Variants in ITGA4 observed in about 807,000 individuals in gnomAD.
ITGA4 encodes integrin subunit alpha 4, also known as integrin alpha-4.
In ITGA4, 63 loss-of-function variants were observed where a neutral mutation model predicts 133.6. The observed-to-expected ratio is 0.47, with a 90% CI of 0.38 to 0.58. ITGA4 has a LOEUF of 0.58. ITGA4 is among the 20% of genes least tolerant of loss of function. The pLI, the probability that ITGA4 is intolerant of heterozygous loss-of-function variation, is 0.00. For missense variants in ITGA4, 1,076 were observed against 1,252.7 expected (o/e 0.86, Z 2.13); for synonymous variants, 483 against 438.0 (o/e 1.10, Z -1.28).
intron 2 of ITGA4, among the ~76,000 whole-genome samples, chr2:181,461,195 C>A (rs778786368): frequency 3.4e-5 from 5 of 146,850 alleles, no homozygotes; most frequent in African/African-American, 5.1e-5. Flanking sequence ...GTGAGCCTGC[C>A]TGTTTATCTA....
chr2:181,468,210 T>C (rs746849918), intron 2 of ITGA4, among the ~76,000 whole-genome samples: 2 of 152,122 alleles, frequency 1.3e-5, no homozygotes. Context: ...AAATCATCCT[T>C]TGTAAAGATC....
At chr2:181,491,736 C>T (rs1393201711) in intron 10 of ITGA4, among the ~76,000 whole-genome samples, 1 of 152,064 alleles carries the variant, frequency 6.6e-6, no homozygotes, top group Non-Finnish European at 1.5e-5. Flanking sequence ...TTCCCCACTC[C>T]TTCTTCTCAC....
At chr2:181,496,876 C>T (rs145233690) in intron 14 of ITGA4, among the ~76,000 whole-genome samples, 2 of 152,198 alleles carry the variant, frequency 1.3e-5, no homozygotes, top group East Asian at 1.9e-4. Flanking sequence ...ATCTAAACAT[C>T]GTGAAGGGCC....
intron 17 of ITGA4, among the ~76,000 whole-genome samples, chr2:181,512,002 TG>T (rs892199353): frequency 1.3e-5 from 2 of 152,080 alleles, no homozygotes; most frequent in African/African-American, 2.4e-5. Flanking sequence ...TAAACTATCT[TG>T]CTCTTCTAAA....
chr2:181,535,414 A>G lies in ITGA4; in HGVS notation c.3004-18A>G. 1.7e-5 allele frequency: 26 copies of G among 1,572,422 alleles called. No homozygotes were observed. The highest frequency in any genetic ancestry group is 2.2e-5 in the Non-Finnish European group (25 of 1,150,770). On this transcript the variant is annotated intron_variant, in intron 27 of 27. Coordinates refer to ENST00000397033, the MANE Select transcript of ITGA4 (RefSeq NM_000885.6). ...TGTTCATAACTATACACTAGTGATT[A>G]TGTTATGCTATTTTCAGGCTGGCTT...
Position 181,538,294 on chromosome 2 carries a change from T to C in ITGA4, c.*2767T>C, listed in dbSNP as rs554779592. ...TCAACTTATTTTGTTGTTTTTCACA[T>C]ACACCTAATAAGTATGGTACACAAT... On this transcript the variant is annotated 3_prime_UTR_variant, in exon 28 of 28. Transcript: ENST00000397033. The C allele has an allele frequency of 2.6e-5, 28 of 1,069,698 alleles. 1 individual carries two copies. Among genetic ancestry groups the C allele is most frequent in the African/African-American group, 1.6e-4 (10 of 64,288 alleles). The allele number at this position is 1,069,698 out of a possible 1,614,324, so 66.3% of individuals were successfully genotyped here.
chr2:181,474,731 C>G (rs1412025514), intron 2 of ITGA4, among the ~76,000 whole-genome samples: 1 of 152,194 alleles, frequency 6.6e-6, no homozygotes, highest in Non-Finnish European at 1.5e-5. Context: ...ATGATTGAGT[C>G]TATCTTTTTA....
intron 14 of ITGA4, 74 bp from the exon 15 acceptor site, chr2:181,498,549 C>A: frequency 1.1e-6 from 1 of 903,608 alleles, no homozygotes; most frequent in Non-Finnish European, 1.7e-6. Flanking sequence ...ATAACTTTAA[C>A]TATTATCACT....
chr2:181,534,848 C>A lies in ITGA4; in HGVS notation c.2916C>A (p.Pro972=). 6.2e-7 allele frequency: 1 copy of A among 1,600,374 alleles called. No homozygotes were observed. The highest frequency in any genetic ancestry group is 1.8e-5 in the Admixed American group (1 of 56,850). The part of the protein sequence containing the change: ...VLLEGLHHQR[P]KRYFTIVIIS... ...TGGAAGGACTACATCATCAAAGACC[C>A]AAACGTTATTTCACCATAGTGATTA... The change falls in exon 27 of 28, where the codon CCC becomes CCA. Residue 972 remains proline (P), a synonymous_variant. Transcript: ENST00000397033.
Position 181,536,813 on chromosome 2 carries a change from G to A in ITGA4, c.*1286G>A, listed in dbSNP as rs984330083. The A allele has an allele frequency of 5.1e-5, 16 of 314,298 alleles. No homozygotes were observed. Among genetic ancestry groups the A allele is most frequent in the Non-Finnish European group, 8.2e-5 (13 of 157,766 alleles). 19.5% of individuals were successfully genotyped at this position (314,298 alleles called of 1,614,324 possible). Reference sequence around the variant, plus strand: ...TTTTATGCTTATGATCTAGATAATTGCAGAATATCATTTTATCTGACTCTG... The same window carrying A: ...TTTTATGCTTATGATCTAGATAATTACAGAATATCATTTTATCTGACTCTG... On this transcript the variant is annotated 3_prime_UTR_variant, in exon 28 of 28. Transcript: ENST00000397033.
chr2:181,489,021 G>A (rs1469446589), intron 10 of ITGA4, among the ~76,000 whole-genome samples: 1 of 152,148 alleles, frequency 6.6e-6, no homozygotes, highest in African/African-American at 2.4e-5. Flanking sequence ...GAGGCAGCAG[G>A]AATTTACAAG....
chr2:181,506,460 T>C (rs1231404264), intron 15 of ITGA4, among the ~76,000 whole-genome samples: 1 of 152,112 alleles, frequency 6.6e-6, no homozygotes, highest in African/African-American at 2.4e-5. Context: ...TCCAATGTTA[T>C]GTAGATAATA....
chr2:181,499,421 T>G (rs1025627534), intron 15 of ITGA4, among the ~76,000 whole-genome samples: 6 of 152,108 alleles, frequency 3.9e-5, no homozygotes, highest in African/African-American at 1.4e-4. Context: ...TTGGTCAAAT[T>G]TTATCATATG....
At chr2:181,515,216 T>C (rs923515980) in intron 17 of ITGA4, among the ~76,000 whole-genome samples, 2 of 152,062 alleles carry the variant, frequency 1.3e-5, no homozygotes, top group African/African-American at 4.8e-5. Flanking sequence ...AAATCCCATA[T>C]CTACTGTATT....
Position 181,480,191 on chromosome 2 carries a change from G to T in ITGA4, c.679G>T (p.Val227Phe). ...ATCTTACTGGACTGGCTCTCTTTTT[G>T]TCTACAATATAACTACAAATAAATA... is the stretch of plus-strand genomic sequence containing the variant. ...GSSYWTGSLF[V>F]YNITTNKYKA... Residue 227 changes from valine (V) to phenylalanine (F), a missense_variant, in exon 6 of 28, where the codon GTC becomes TTC. Transcript: ENST00000397033. 1.9e-6 allele frequency: 3 copies of T among 1,551,148 alleles called. No individual in the cohort carries two copies. Among genetic ancestry groups the T allele is most frequent in the Non-Finnish European group, 2.6e-6 (3 of 1,148,504 alleles).
chr2:181,485,211 C>T (rs2105736081), intron 9 of ITGA4, among the ~76,000 whole-genome samples: 1 of 152,268 alleles, frequency 6.6e-6, no homozygotes, highest in South Asian at 2.1e-4. Context: ...TTTTCCTCGA[C>T]AATCAAGACG....
chr2:181,534,830 A>G lies in ITGA4; in HGVS notation c.2898A>G (p.Gly966=), dbSNP rs774520116. The change falls in exon 27 of 28, where the codon GGA becomes GGG. Residue 966 remains glycine, a synonymous_variant. Coordinates refer to ENST00000397033, the MANE Select transcript of ITGA4 (RefSeq NM_000885.6). Reference sequence around the variant, plus strand: ...AACTCACGTAGGTTCTACTGGAAGGACTACATCATCAAAGACCCAAACGTT... The same window carrying G: ...AACTCACGTAGGTTCTACTGGAAGGGCTACATCATCAAAGACCCAAACGTT... ...DENVAHVLLE[G]LHHQRPKRYF... 2.5e-6 allele frequency: 4 copies of G among 1,595,228 alleles called. No homozygotes were observed. The South Asian group carries it at 3.5e-5, about 14-fold the overall frequency.
At chr2:181,483,380 G>A (rs905181231) in intron 9 of ITGA4, among the ~76,000 whole-genome samples, 14 of 151,794 alleles carry the variant, frequency 9.2e-5, no homozygotes, top group African/African-American at 3.1e-4. Flanking sequence ...TTCTTGGCCC[G>A]TTCTTTGATT....
chr2:181,458,378 T>C, intron 2 of ITGA4, 61 bp downstream of exon 2: 1 of 1,574,106 alleles, frequency 6.4e-7, no homozygotes, highest in Non-Finnish European at 8.6e-7. Context: ...GACCCCACCA[T>C]AGGGCAAGTC....
Sources: allele counts gnomAD v4.1 joint callset (sites outside exome capture counted in the v4.1 genomes callset), GRCh38; gene constraint gnomAD v4.1.1; transcripts MANE v1.5; gene names NCBI Gene and HGNC (gene_info 2026-07-23, HGNC 2026-07-21).